Variants in SCAPER observed in about 807,000 individuals in gnomAD.
SCAPER encodes the protein S-phase cyclin A associated protein in the ER.
SCAPER carries 98 observed loss-of-function variants against 182.2 expected under a neutral mutation model. The ratio of observed to expected loss-of-function variants is 0.54; its 90% CI spans 0.46 to 0.64. SCAPER has a LOEUF of 0.64. SCAPER is among the 30% of genes least tolerant of loss of function. The pLI, the probability that SCAPER is intolerant of heterozygous loss-of-function variation, is 0.00. For missense variants in SCAPER, 1,432 were observed against 1,690.0 expected (o/e 0.85, Z 2.68); for synonymous variants, 605 against 564.6 (o/e 1.07, Z -1.01).
intron 14 of SCAPER, among the ~76,000 whole-genome samples, chr15:76,763,729 A>T (rs1231956916): frequency 6.6e-6 from 1 of 152,050 alleles, no homozygotes; most frequent in Non-Finnish European, 1.5e-5. Context: ...CTTCTGCTTC[A>T]CTGAGTCTGT....
intron 20 of SCAPER, among the ~76,000 whole-genome samples, chr15:76,671,211 C>T (rs1055903162): frequency 6.6e-6 from 1 of 152,006 alleles, no homozygotes; most frequent in African/African-American, 2.4e-5. Context: ...CATGCACCTG[C>T]GGTCCCAGCT....
chr15:76,451,008 T>C (rs2048335080), intron 25 of SCAPER, among the ~76,000 whole-genome samples: 1 of 152,246 alleles, frequency 6.6e-6, no homozygotes, highest in Non-Finnish European at 1.5e-5. Flanking sequence ...CTTGTGCCCC[T>C]TTGAAGTCAA....
intron 23 of SCAPER, among the ~76,000 whole-genome samples, chr15:76,522,085 A>G (rs1448894935): frequency 1.3e-5 from 2 of 152,192 alleles, no homozygotes; most frequent in African/African-American, 4.8e-5. Flanking sequence ...TATGTTTCTG[A>G]CAAGTGATTT....
chr15:76,897,943 G>A (rs549036314), intron 1 of SCAPER, among the ~76,000 whole-genome samples: 1 of 151,938 alleles, frequency 6.6e-6, no homozygotes, highest in Non-Finnish European at 1.5e-5. Context: ...AATAATAAAC[G>A]TAAGTAGGAG....
intron 1 of SCAPER, among the ~76,000 whole-genome samples, chr15:76,888,859 C>G (rs1018707995): frequency 6.6e-6 from 1 of 152,056 alleles, no homozygotes; most frequent in Non-Finnish European, 1.5e-5. Flanking sequence ...AAGAGGAACC[C>G]CAAGATACAT....
At chr15:76,762,068 G>A (rs1484037098) in intron 14 of SCAPER, among the ~76,000 whole-genome samples, 1 of 152,120 alleles carries the variant, frequency 6.6e-6, no homozygotes, top group Admixed American at 6.5e-5. Flanking sequence ...TTGTCCTAAA[G>A]TCTGTTTTGT....
At chr15:76,820,755 T>A (rs1244248041) in intron 5 of SCAPER, among the ~76,000 whole-genome samples, 7 of 150,392 alleles carry the variant, frequency 4.7e-5, no homozygotes, top group East Asian at 3.9e-4. Flanking sequence ...TAAAATTTTT[T>A]AAAAAAGAAA....
At chr15:76,785,065 G>C (rs1438039162) in intron 8 of SCAPER, among the ~76,000 whole-genome samples, 2 of 152,162 alleles carry the variant, frequency 1.3e-5, no homozygotes, top group Admixed American at 6.5e-5. Flanking sequence ...CTGCAGAGCA[G>C]AGCAAACTAC....
intron 25 of SCAPER, among the ~76,000 whole-genome samples, chr15:76,435,284 T>C (rs2047126857): frequency 1.3e-5 from 2 of 152,254 alleles, no homozygotes; most frequent in Admixed American, 6.5e-5. Context: ...TTTTCTATTA[T>C]GACTATGCAA....
At chr15:76,601,829 T>C (rs1247316578) in intron 22 of SCAPER, among the ~76,000 whole-genome samples, 2 of 121,566 alleles carry the variant, frequency 1.6e-5, no homozygotes, top group African/African-American at 5.0e-5. Flanking sequence ...CTGTCATTCA[T>C]TTCACATAGA....
At chr15:76,647,334 C>T (rs1339325963) in intron 21 of SCAPER, among the ~76,000 whole-genome samples, 1 of 152,146 alleles carries the variant, frequency 6.6e-6, no homozygotes, top group Admixed American at 6.5e-5. Context: ...TAACTAGTAT[C>T]ATATTGTCCT....
intron 5 of SCAPER, among the ~76,000 whole-genome samples, chr15:76,825,537 CAA>C (rs10709168): frequency 6.6e-6 from 1 of 151,646 alleles, no homozygotes; most frequent in Non-Finnish European, 1.5e-5. Context: ...AGTTATTAGT[CAA>C]AAAAAATGTT....
intron 22 of SCAPER, among the ~76,000 whole-genome samples, chr15:76,581,598 T>C (rs1019744974): frequency 6.6e-6 from 1 of 152,174 alleles, no homozygotes; most frequent in African/African-American, 2.4e-5. Flanking sequence ...GCATTTATTT[T>C]TGTTTGGAGA....
At chr15:76,452,629 G>C (rs1178389932) in intron 25 of SCAPER, among the ~76,000 whole-genome samples, 1 of 152,086 alleles carries the variant, frequency 6.6e-6, no homozygotes, top group Non-Finnish European at 1.5e-5. Flanking sequence ...TAAGTTGAAC[G>C]CCGTATTTCA....
chr15:76,753,142 A>T (rs1401912892), intron 15 of SCAPER, among the ~76,000 whole-genome samples: 1 of 151,882 alleles, frequency 6.6e-6, no homozygotes, highest in Non-Finnish European at 1.5e-5. Context: ...GAAAGTACAC[A>T]TCTGCACAAA....
intron 3 of SCAPER, among the ~76,000 whole-genome samples, chr15:76,858,817 C>T (rs983383085): frequency 1.5e-5 from 2 of 133,170 alleles, no homozygotes; most frequent in African/African-American, 2.8e-5. Flanking sequence ...CTTTTTATGG[C>T]TACGTAGTAG....
intron 22 of SCAPER, among the ~76,000 whole-genome samples, chr15:76,621,090 G>A (rs745430173): frequency 3.9e-5 from 6 of 152,132 alleles, no homozygotes; most frequent in Admixed American, 1.3e-4. Flanking sequence ...GCAGGCTTAG[G>A]TCTGAATAGG....
chr15:76,767,573 T>C (rs951149931), intron 10 of SCAPER, among the ~76,000 whole-genome samples: 8 of 152,054 alleles, frequency 5.3e-5, no homozygotes, highest in African/African-American at 1.9e-4. Flanking sequence ...TACATGAGAT[T>C]CATTAATTAA....
At chr15:76,813,011 A>T (rs59011648) in intron 5 of SCAPER, among the ~76,000 whole-genome samples, 49,862 of 151,352 alleles carry the variant, frequency 0.33, 8,482 homozygotes, top group East Asian at 0.56. Context: ...TACACACAAA[A>T]ATGCTCAATA....
Sources: allele counts gnomAD v4.1 joint callset (sites outside exome capture counted in the v4.1 genomes callset), GRCh38; gene constraint gnomAD v4.1.1; transcripts MANE v1.5; gene names NCBI Gene and HGNC (gene_info 2026-07-23, HGNC 2026-07-21).